Variants in MAST4 observed in about 807,000 individuals in gnomAD.
MAST4 encodes the protein microtubule associated serine/threonine kinase family member 4, also known as microtubule-associated serine/threonine-protein kinase 4.
In MAST4, 89 loss-of-function variants were observed where a neutral mutation model predicts 162.7. The ratio of observed to expected loss-of-function variants is 0.55; its 90% CI spans 0.46 to 0.65. The LOEUF (loss-of-function observed/expected upper bound fraction) is 0.65, where lower values mean the gene tolerates loss of function less well. Ranked by LOEUF, MAST4 falls within the 30% of genes least tolerant of loss-of-function variation. MAST4 has a pLI of 0.00. For missense variants in MAST4, 3,153 were observed against 3,374.0 expected, an observed-to-expected ratio of 0.93 and a Z score of 1.62; for synonymous variants, 1,479 against 1,361.1, an observed-to-expected ratio of 1.09 and a Z score of -1.91.
chr5:66,895,939 A>G (rs758580199), intron 3 of MAST4, among the ~76,000 whole-genome samples: 3 of 152,194 alleles, frequency 2.0e-5, no homozygotes, highest in African/African-American at 4.8e-5. Context: ...TGTTGGCATC[A>G]TATATAACCT....
intron 4 of MAST4, among the ~76,000 whole-genome samples, chr5:67,030,391 C>T (rs1175058266): frequency 6.6e-6 from 1 of 152,120 alleles, no homozygotes; most frequent in African/African-American, 2.4e-5. Context: ...AGATGACCAT[C>T]TGATGTTTAT....
At chr5:66,667,400 C>T (rs1398421978) in intron 1 of MAST4, among the ~76,000 whole-genome samples, 1 of 152,188 alleles carries the variant, frequency 6.6e-6, no homozygotes, top group Non-Finnish European at 1.5e-5. Flanking sequence ...TCTTGTTCCT[C>T]TGGGAGAAAC....
intron 1 of MAST4, among the ~76,000 whole-genome samples, chr5:66,610,070 A>G (rs1407097767): frequency 6.6e-6 from 1 of 152,096 alleles, no homozygotes; most frequent in African/African-American, 2.4e-5. Context: ...AAAAACTGCA[A>G]TTACTTTTGC....
At chr5:66,734,616 T>C (rs908237233) in intron 1 of MAST4, among the ~76,000 whole-genome samples, 9 of 152,232 alleles carry the variant, frequency 5.9e-5, no homozygotes, top group African/African-American at 2.2e-4. Context: ...TGCTGTCCAA[T>C]AGCGCTTTCT....
chr5:66,942,896 A>G (rs1743525882), intron 4 of MAST4, among the ~76,000 whole-genome samples: 1 of 152,058 alleles, frequency 6.6e-6, no homozygotes, highest in South Asian at 2.1e-4. Flanking sequence ...GTGACTGAGA[A>G]GTCTAAGATC....
chr5:66,711,843 C>T (rs1340361935), intron 1 of MAST4, among the ~76,000 whole-genome samples: 1 of 151,932 alleles, frequency 6.6e-6, no homozygotes, highest in African/African-American at 2.4e-5. Flanking sequence ...CCCCACCCCC[C>T]AAAAAAAGAT....
chr5:66,810,587 G>A (rs779535925), intron 3 of MAST4, among the ~76,000 whole-genome samples: 4 of 152,190 alleles, frequency 2.6e-5, no homozygotes, highest in Admixed American at 6.5e-5. Context: ...GAACAAGTAA[G>A]TAGCCAGTTA....
chr5:66,848,249 T>C (rs1759033833), intron 3 of MAST4, among the ~76,000 whole-genome samples: 2 of 152,172 alleles, frequency 1.3e-5, no homozygotes, highest in African/African-American at 4.8e-5. Context: ...AGTTTTCTTA[T>C]TCTTTGTTAT....
chr5:67,143,248 C>T (rs992154377), intron 21 of MAST4, among the ~76,000 whole-genome samples: 20 of 147,308 alleles, frequency 1.4e-4, no homozygotes, highest in African/African-American at 5.0e-4. Flanking sequence ...TAGTGAGACC[C>T]CGTTCTCCAC....
At chr5:66,733,316 C>T (rs187335231) in intron 1 of MAST4, among the ~76,000 whole-genome samples, 11 of 148,886 alleles carry the variant, frequency 7.4e-5, no homozygotes, top group Admixed American at 4.2e-4. Context: ...CCCTCTTCCC[C>T]CCACCACACA....
At chr5:66,900,807 A>T (rs1762962820) in intron 4 of MAST4, among the ~76,000 whole-genome samples, 1 of 152,158 alleles carries the variant, frequency 6.6e-6, no homozygotes, top group African/African-American at 2.4e-5. Context: ...TATAGGATTT[A>T]TTCTAGGCTA....
chr5:66,628,346 T>G (rs569397427), intron 1 of MAST4, among the ~76,000 whole-genome samples: 1 of 151,428 alleles, frequency 6.6e-6, no homozygotes, highest in African/African-American at 2.4e-5. Context: ...TTTTCTTTTT[T>G]TTTTTTTTTT....
At position 67,166,752 on chromosome 5, in the gene MAST4, C is replaced by T. The variant is rs3188125; in HGVS notation, c.7573C>T (p.Arg2525Trp). 5.0e-6 allele frequency: 8 copies of T among 1,595,064 alleles called. No individual in the cohort carries two copies. Among genetic ancestry groups the T allele is most frequent in the African/African-American group, 2.7e-5 (2 of 74,450 alleles). The change falls in exon 29 of 29, where the codon CGG becomes TGG. Residue 2525 changes from arginine (R) to tryptophan (W), a missense_variant. Arg to Trp is a moderately radical substitution (Grantham distance 101). Transcript: ENST00000403625. ...MTKSDSLPSF[R>W]VSTLPLESHH... ...AAAGAGTGACTCCCTGCCCTCCTTCCGGGTCTCCACCCTGCCTCTGGAGTC... is the reference window on the plus strand; with the variant it reads ...AAAGAGTGACTCCCTGCCCTCCTTCTGGGTCTCCACCCTGCCTCTGGAGTC...
intron 4 of MAST4, among the ~76,000 whole-genome samples, chr5:67,018,525 G>A (rs1693525881): frequency 6.6e-6 from 1 of 151,930 alleles, no homozygotes; most frequent in Non-Finnish European, 1.5e-5. Context: ...AAAAAAAAAA[G>A]TCCCTTTGAT....
chr5:66,809,215 C>G (rs916861865), intron 3 of MAST4, among the ~76,000 whole-genome samples: 7 of 152,146 alleles, frequency 4.6e-5, no homozygotes, highest in Admixed American at 2.0e-4. Context: ...GAGGGAAAGG[C>G]GTATGAATTC....
intron 26 of MAST4, among the ~76,000 whole-genome samples, chr5:67,159,865 T>C (rs1772989178): frequency 6.6e-6 from 1 of 152,178 alleles, no homozygotes; most frequent in Non-Finnish European, 1.5e-5. Context: ...TGCAAACTGA[T>C]AGGTTTTATG....
At chr5:67,078,927 T>TATATAATATATATATATATA (rs1762226429) in intron 5 of MAST4, among the ~76,000 whole-genome samples, 2 of 84,308 alleles carry the variant, frequency 2.4e-5, no homozygotes, top group Non-Finnish European at 4.2e-5. Context: ...TATATATATA[T>TATATAATATATATATATATA]ATATATATAT....
At chr5:66,750,713 T>TG (rs1161598633) in intron 1 of MAST4, among the ~76,000 whole-genome samples, 1 of 152,100 alleles carries the variant, frequency 6.6e-6, no homozygotes, top group Non-Finnish European at 1.5e-5. Context: ...GTAGCGAGGC[T>TG]GGGGGAGGGG....
intron 2 of MAST4, among the ~76,000 whole-genome samples, chr5:66,780,059 T>TA (rs561429706): frequency 1.7e-3 from 264 of 152,286 alleles, no homozygotes; most frequent in Non-Finnish European, 3.0e-3. Context: ...GCAGGCAGGT[T>TA]AAACATTGTG....
Sources: gnomAD v4.1 joint callset for allele counts (sites outside exome capture counted in the v4.1 genomes callset) on GRCh38, gnomAD v4.1.1 for gene constraint, MANE v1.5 for transcripts, NCBI Gene and HGNC (gene_info 2026-07-23, HGNC 2026-07-21) for gene names.